FLG2: variants seen among roughly 807,000 people sequenced by gnomAD.
The protein encoded by FLG2 is filaggrin-2.
A neutral mutation model predicts 3.9 loss-of-function variants in FLG2; 7 were observed. The observed-to-expected ratio is 1.79, with a 90% CI of 1.02 to 3.36. The LOEUF is 3.36. Ranked by LOEUF, FLG2 falls within the 30% of genes most tolerant of loss-of-function variation. The pLI is 0.00. For missense variants in FLG2, 2,700 were observed against 2,809.4 expected (o/e 0.96, Z 0.88); for synonymous variants, 1,031 against 1,056.1 (o/e 0.98, Z 0.46).
rs1444512829 is a variant in FLG2 at position 152,357,279 on chromosome 1, G to C, written c.507C>G (p.Ser169=). 5 of 1,614,126 alleles carry C rather than the reference G, an allele frequency of 3.1e-6. No homozygotes were observed. Among genetic ancestry groups the C allele is most frequent in the Non-Finnish European group, 4.2e-6 (5 of 1,180,008 alleles). ...GAGATCCCTCTTGGTTCCCAGAGCT[G>C]GATAAATTACCTTGTCTTCCTAGCC... is the stretch of plus-strand genomic sequence containing the variant. ...SRRLGRQGNL[S]SSGNQEGSQK... is the part of the protein sequence containing the mutation. The change falls in exon 3 of 3, where the codon TCC becomes TCG. Residue 169 remains serine, a synonymous_variant. Coordinates refer to ENST00000388718, the MANE Select transcript of FLG2 (RefSeq NM_001014342.3).
In FLG2 at chr1:152,357,437, C is replaced by CT. The variant is rs1250012926; in HGVS notation, c.348dup (p.Glu117ArgfsTer3). 5 of 1,614,172 alleles carry CT rather than the reference C, an allele frequency of 3.1e-6. No homozygotes were observed. The highest frequency in any genetic ancestry group is 4.2e-6 in the Non-Finnish European group (5 of 1,180,028). On this transcript the variant is annotated frameshift_variant, in exon 3 of 3. Coordinates refer to ENST00000388718, the MANE Select transcript of FLG2 (RefSeq NM_001014342.3). LOFTEE classifies it low-confidence loss of function (END_TRUNC). ...TGTCCTGGTGTATCCTCTTCATCCT[C>CT]TTCTGTTTCACTTTCTTCTTCTTGG...
In FLG2 at chr1:152,353,489, G is replaced by A. The variant is rs776971536; in HGVS notation, c.4297C>T (p.His1433Tyr). The change falls in exon 3 of 3, where the codon CAC becomes TAC. Residue 1433 changes from histidine (H) to tyrosine (Y), a missense_variant. By Grantham distance (83) the His-to-Tyr change is moderately conservative. Transcript: ENST00000388718. ...TGTGGTCTGTGTGAGCCCCCTGAGT[G>A]CACTTCACTGTCACTGGACTCACTA... ...GHSESSDSEVHSGGSHRPQSQ... is the reference protein window; with the variant it reads ...GHSESSDSEVYSGGSHRPQSQ... 1.5e-5 allele frequency: 24 copies of A among 1,613,366 alleles called. No homozygotes were observed. In the Admixed American group the frequency reaches 2.2e-4, roughly 15 times the overall value.
rs772106575 is a variant in FLG2, at chr1:152,354,550, T to C, written c.3236A>G (p.His1079Arg). 1.9e-6 allele frequency: 3 copies of C among 1,613,746 alleles called. No individual in the cohort carries two copies. The highest frequency in any genetic ancestry group is 2.5e-6 in the Non-Finnish European group (3 of 1,179,986). ...SRSRQSSYGQ[H>R]GSGSSQSSGY... The stretch of plus-strand genomic sequence containing the variant: ...AGATGATTGACTTGAGCCAGAACCA[T>C]GTTGGCCATAGCTAGACTGACGTGA... Residue 1079 changes from histidine (H) to arginine (R), a missense_variant, in exon 3 of 3, where the codon CAT (histidine) becomes CGT (arginine). Physicochemically the swap from His to Arg is conservative, Grantham distance 29. Transcript: ENST00000388718.
intron 2 of FLG2, 137 bp from the exon 3 acceptor site, chr1:152,357,784 A>G: frequency 1.6e-6 from 1 of 641,624 alleles, no homozygotes; most frequent in Non-Finnish European, 2.7e-6. Context: ...ACTTTAGGTT[A>G]ATAGAACCCA....
At position 152,356,680 on chromosome 1, in the gene FLG2, T is replaced by A. The variant is rs1326753865; in HGVS notation, c.1106A>T (p.Gln369Leu). 4 of 1,614,122 alleles carry A rather than the reference T, an allele frequency of 2.5e-6. No individual in the cohort carries two copies. The highest frequency in any genetic ancestry group is 1.6e-4 in the Middle Eastern group (1 of 6,084). ...ENGQPQNCGG[Q>L]WRTGSSQSSC... ...GGACTGACTTGAGCCTGTTCTCCAT[T>A]GTCCTCCACAGTTCTGTGGTTGACC... The change falls in exon 3 of 3, where the codon CAA becomes CTA. Residue 369 changes from glutamine to leucine, a missense_variant. Physicochemically the swap from Gln to Leu is moderately radical, Grantham distance 113. Coordinates refer to ENST00000388718, the MANE Select transcript of FLG2 (RefSeq NM_001014342.3).
Position 152,352,125 on chromosome 1 carries a change from T to C in FLG2, c.5661A>G (p.Glu1887=), listed in dbSNP as rs781424292. Residue 1887 remains glutamate (E), a synonymous_variant, in exon 3 of 3, where the codon GAA becomes GAG. Transcript: ENST00000388718. ...RSGHSESSDS[E]VHSGGSHTHS... is the part of the protein sequence containing the mutation. ...GTGTATGTGAGCCCCCTGAGTGCACTTCACTGTCACTGGACTCACTGTGGC... is the reference window on the plus strand; with the variant it reads ...GTGTATGTGAGCCCCCTGAGTGCACCTCACTGTCACTGGACTCACTGTGGC... The C allele has an allele frequency of 3.1e-5, 50 of 1,613,538 alleles. No homozygotes were observed. The highest frequency in any genetic ancestry group is 4.2e-5 in the Non-Finnish European group (50 of 1,179,884).
chr1:152,351,796 GTA>G lies in FLG2; in HGVS notation c.5988_5989del (p.Thr1997SerfsTer9). ...AGTGGTATCTGCTGTTTGTCCATGA[GTA>G]GTTCCGTGTCTCTCATGAACTGAGG... is the stretch of plus-strand genomic sequence containing the variant. On this transcript the variant is annotated frameshift_variant, in exon 3 of 3. Transcript: ENST00000388718. LOFTEE classifies it low-confidence loss of function (END_TRUNC). 6.2e-7 allele frequency: 1 copy of G among 1,612,506 alleles called. No homozygotes were observed. Among genetic ancestry groups the G allele is most frequent in the South Asian group, 1.1e-5 (1 of 91,040 alleles).
rs200797245 is a variant in FLG2, at chr1:152,352,518, A to T, written c.5268T>A (p.His1756Gln). 1.2e-6 allele frequency: 2 copies of T among 1,613,042 alleles called. No individual in the cohort carries two copies. The highest frequency in any genetic ancestry group is 2.7e-5 in the African/African-American group (2 of 74,576). Reference protein sequence around the residue: ...GHTHGQARSQHGESESIVHER... With the variant: ...GHTHGQARSQQGESESIVHER... ...CATGAACTATGGATTCTGACTCTCC[A>T]TGTTGAGATCTGGCTTGGCCATGAG... The change falls in exon 3 of 3, where the codon CAT becomes CAA. Residue 1756 changes from histidine (H) to glutamine (Q), a missense_variant. By Grantham distance (24) the His-to-Gln change is conservative. Transcript: ENST00000388718.
chr1:152,353,126 A>G lies in FLG2; in HGVS notation c.4660T>C (p.Ser1554Pro), dbSNP rs1424428490. 1.9e-6 allele frequency: 3 copies of G among 1,607,928 alleles called. No homozygotes were observed. The highest frequency in any genetic ancestry group is 1.1e-5 in the South Asian group (1 of 90,846). The change falls in exon 3 of 3, where the codon TCC becomes CCC. Residue 1554 changes from serine (S) to proline (P), a missense_variant. By Grantham distance (74) the Ser-to-Pro change is moderately conservative. Transcript: ENST00000388718. Reference sequence around the variant, plus strand: ...GTGGTTTGTTCATGACCAGAGTAGGAATGTCTAGTGGTATCTCCTGTCTGT... The same window carrying G: ...GTGGTTTGTTCATGACCAGAGTAGGGATGTCTAGTGGTATCTCCTGTCTGT... The part of the protein sequence containing the change: ...HGQTGDTTRH[S>P]YSGHEQTTQT...
At position 152,357,027 on chromosome 1, in the gene FLG2, A is replaced by AACT. The variant is rs1473012523; in HGVS notation, c.758_759insAGT (p.Ser253_Thr254insVal). On this transcript the variant is annotated inframe_insertion, in exon 3 of 3. Coordinates refer to ENST00000388718, the MANE Select transcript of FLG2 (RefSeq NM_001014342.3). The stretch of plus-strand genomic sequence containing the variant: ...TTTGTTCTCTAATTCTTGACTGAGT[A>AACT]GAGTTTGATTCATGCCCACTAGTCT... 6.2e-7 allele frequency: 1 copy of AACT among 1,614,234 alleles called. No individual in the cohort carries two copies.
At position 152,356,400 on chromosome 1, in the gene FLG2, T is replaced by C. The variant is rs1654232874; in HGVS notation, c.1386A>G (p.Gln462=). Residue 462 remains glutamine (Q), a synonymous_variant, in exon 3 of 3, where the codon CAA becomes CAG. Transcript: ENST00000388718. ...ACCCATGCTGGTCATAGCCCAAGGATTGACTTGATGTAGACTCATGCTGGC... is the reference window on the plus strand; with the variant it reads ...ACCCATGCTGGTCATAGCCCAAGGACTGACTTGATGTAGACTCATGCTGGC... ...TCGQHESTSS[Q]SLGYDQHGSS... is the part of the protein sequence containing the mutation. 5 of 1,614,086 alleles carry C rather than the reference T, an allele frequency of 3.1e-6. No homozygotes were observed. The highest frequency in any genetic ancestry group is 4.5e-5 in the East Asian group (2 of 44,890).
chr1:152,352,768 G>A lies in FLG2; in HGVS notation c.5018C>T (p.Thr1673Ile), dbSNP rs762507218. ...ATGTTGAGATCCAGCTTGACCATGA[G>A]TGTGTCCTGTATGTGTGTGTGAGAC... ...SGVSHTHTGH[T>I]HGQAGSQHGQ... The change falls in exon 3 of 3, where the codon ACT (threonine) becomes ATT (isoleucine). Residue 1673 changes from threonine (T) to isoleucine (I), a missense_variant. Transcript: ENST00000388718. 37 of 1,613,776 alleles carry A rather than the reference G, an allele frequency of 2.3e-5. No individual in the cohort carries two copies. The African/African-American group carries it at 3.2e-4, about 14-fold the overall frequency.
In FLG2 at chr1:152,353,670, T is replaced by G; in HGVS notation, c.4116A>C (p.Gln1372His). 6.2e-7 allele frequency: 1 copy of G among 1,614,046 alleles called. No individual in the cohort carries two copies. Among genetic ancestry groups the G allele is most frequent in the East Asian group, 2.2e-5 (1 of 44,854 alleles). The stretch of plus-strand genomic sequence containing the variant: ...CTGACTCTCCATGTTGAGATCCAGC[T>G]TGGCTGTGAGTTTGTTCTTGTGAGT... ...RPHSQEQTHS[Q>H]AGSQHGESES... is the part of the protein sequence containing the mutation. The change falls in exon 3 of 3, where the codon CAA becomes CAC. Residue 1372 changes from glutamine (Q) to histidine (H), a missense_variant. By Grantham distance (24) the Gln-to-His change is conservative. Transcript: ENST00000388718.
In FLG2 at chr1:152,355,638, T is replaced by C; in HGVS notation, c.2148A>G (p.Thr716=). 1.9e-6 allele frequency: 3 copies of C among 1,612,918 alleles called. No individual in the cohort carries two copies. Among genetic ancestry groups the C allele is most frequent in the Non-Finnish European group, 2.5e-6 (3 of 1,179,748 alleles). ...TTAACTCGTGTTGTCCAAATCCAGA[T>C]GTCTGTCCTGAACTTGACCCATGTT... is the stretch of plus-strand genomic sequence containing the variant. The part of the protein sequence containing the change: ...YGQHGSSSGQ[T]SGFGQHELSS... Residue 716 remains threonine, a synonymous_variant, in exon 3 of 3, where the codon ACA becomes ACG. Transcript: ENST00000388718.
intron 1 of FLG2, 49 bp from the exon 2 acceptor site, chr1:152,358,955 A>C: frequency 6.8e-7 from 1 of 1,479,082 alleles, no homozygotes. Context: ...CTCTCCTTTT[A>C]TCAGCAATTT....
chr1:152,348,800 A>G lies in FLG2; in HGVS notation c.*1810T>C, dbSNP rs1653798770. The G allele has an allele frequency of 6.6e-6, 1 of 152,212 alleles. No individual in the cohort carries two copies. Among genetic ancestry groups the G allele is most frequent in the Admixed American group, 6.5e-5 (1 of 15,280 alleles). 9.4% of individuals were successfully genotyped at this position (152,212 alleles called of 1,614,324 possible). On this transcript the variant is annotated 3_prime_UTR_variant, in exon 3 of 3. Transcript: ENST00000388718. Reference sequence around the variant, plus strand: ...ACAATTTTCTGGATCCTATATCCAGAAGGCCATGACAATAAATTTAAATAT... The same window carrying G: ...ACAATTTTCTGGATCCTATATCCAGGAGGCCATGACAATAAATTTAAATAT...
In FLG2 at chr1:152,358,861, A is replaced by G. The variant is rs148227137; in HGVS notation, c.24T>C (p.Val8=). ...TGTAGAAAACATCAATTACGGTGAC[A>G]ACACTTCTCAAGAGGTCGGTCATCT... MTDLLRS[V]VTVIDVFYKY... Residue 8 remains valine, a synonymous_variant, in exon 2 of 3, where the codon GTT becomes GTC. Coordinates refer to ENST00000388718, the MANE Select transcript of FLG2 (RefSeq NM_001014342.3). 2 of 1,613,598 alleles carry G rather than the reference A, an allele frequency of 1.2e-6. No individual in the cohort carries two copies. Among genetic ancestry groups the G allele is most frequent in the South Asian group, 1.1e-5 (1 of 90,922 alleles).
Position 152,352,698 on chromosome 1 carries a change from A to G in FLG2, c.5088T>C (p.His1696=), listed in dbSNP as rs754123597. 11 of 1,613,740 alleles carry G rather than the reference A, an allele frequency of 6.8e-6. No individual in the cohort carries two copies. The highest frequency in any genetic ancestry group is 9.3e-6 in the Non-Finnish European group (11 of 1,179,922). The part of the protein sequence containing the change: ...SIVPERHGTT[H]GQTGDTTRHA... ...GTCTAGTGGTATCTCCTGTCTGTCC[A>G]TGAGTAGTTCCATGTCTCTCAGGAA... The change falls in exon 3 of 3, where the codon CAT becomes CAC. Residue 1696 remains histidine (H), a synonymous_variant. Transcript: ENST00000388718.
Position 152,353,898 on chromosome 1 carries a change from A to G in FLG2, c.3888T>C (p.Ala1296=). The G allele has an allele frequency of 6.2e-7, 1 of 1,613,970 alleles. No homozygotes were observed. The change falls in exon 3 of 3, where the codon GCT becomes GCC. Residue 1296 remains alanine (A), a synonymous_variant. Transcript: ENST00000388718. The part of the protein sequence containing the change: ...HRHSEHIHTQ[A]GSHYPKSGST... Reference sequence around the variant, plus strand: ...ATCCTGACTTTGGGTAGTGAGATCCAGCTTGTGTGTGAATGTGTTCTGAAT... The same window carrying G: ...ATCCTGACTTTGGGTAGTGAGATCCGGCTTGTGTGTGAATGTGTTCTGAAT...
Sources: allele counts gnomAD v4.1 joint callset, GRCh38; gene constraint gnomAD v4.1.1; transcripts MANE v1.5; gene names NCBI Gene and HGNC (gene_info 2026-07-23, HGNC 2026-07-21).